ZMAT4: variants seen among roughly 807,000 people sequenced by gnomAD.
ZMAT4 encodes zinc finger matrin-type protein 4.
Under a neutral mutation model 28.7 loss-of-function variants are expected in ZMAT4, and 17 were observed. The observed-to-expected ratio is 0.59, with a 90% confidence interval of 0.41 to 0.89. The LOEUF (loss-of-function observed/expected upper bound fraction) is 0.89. Ranked by LOEUF, ZMAT4 falls within the 40% of genes least tolerant of loss-of-function variation. The pLI, the probability that ZMAT4 is intolerant of heterozygous loss-of-function variation, is 0.00. For synonymous variants in ZMAT4, 117 were observed against 109.2 expected (o/e 1.07, Z -0.44); for missense variants, 240 against 283.8 (o/e 0.85, Z 1.11).
intron 1 of ZMAT4, among the ~76,000 whole-genome samples, chr8:40,884,123 C>G (rs1011460630): frequency 6.6e-5 from 10 of 152,318 alleles, no homozygotes; most frequent in African/African-American, 2.4e-4. Context: ...TGTCTCGAAG[C>G]TTGTGATCCA....
chr8:40,837,154 C>A (rs1390782444), intron 1 of ZMAT4, among the ~76,000 whole-genome samples: 2 of 152,212 alleles, frequency 1.3e-5, no homozygotes, highest in East Asian at 1.9e-4. Flanking sequence ...GCAGTTACTG[C>A]ACCACATAAT....
chr8:40,603,870 T>A (rs541832962), intron 5 of ZMAT4, among the ~76,000 whole-genome samples: 1 of 152,350 alleles, frequency 6.6e-6, no homozygotes, highest in East Asian at 1.9e-4. Flanking sequence ...GATCTCGTGA[T>A]CTGCCCACCT....
intron 6 of ZMAT4, among the ~76,000 whole-genome samples, chr8:40,543,404 CAA>C (rs1355169795): frequency 2.0e-5 from 3 of 152,186 alleles, no homozygotes; most frequent in Non-Finnish European, 4.4e-5. Context: ...CTGCTGTAGT[CAA>C]ACTCAATGTT....
intron 5 of ZMAT4, among the ~76,000 whole-genome samples, chr8:40,632,061 C>T (rs1806604863): frequency 6.6e-6 from 1 of 152,138 alleles, no homozygotes; most frequent in Non-Finnish European, 1.5e-5. Context: ...CCTTTCCTGC[C>T]TGGTCCAACT....
chr8:40,580,010 CTT>C lies in ZMAT4; in HGVS notation c.674+1153_674+1154del, dbSNP rs60027647. Among the ~76,000 whole-genome samples, 387 of 118,716 alleles carry C rather than the reference CTT, an allele frequency of 3.3e-3. 3 individuals carry two copies. Among genetic ancestry groups the C allele is most frequent in the African/African-American group, 0.011 (349 of 31,126 alleles). The allele number at this position is 118,716 out of a possible 152,430, so 77.9% of individuals were successfully genotyped here. Reference sequence around the variant, plus strand: ...AAGAGGAAGGACTCAATGTATTCATCTTTTTTTTTTTTTTTTTTTTGAGACGA... The same window carrying C: ...AAGAGGAAGGACTCAATGTATTCATCTTTTTTTTTTTTTTTTTTGAGACGA... On this transcript the variant is annotated intron_variant, in intron 6 of 6. Transcript: ENST00000297737.
At chr8:40,764,994 G>A (rs143161024) in intron 3 of ZMAT4, among the ~76,000 whole-genome samples, 1,913 of 144,950 alleles carry the variant, frequency 0.013, 19 homozygotes, top group Admixed American at 0.02. Context: ...ACCATGCCTG[G>A]CTAATTAAAA....
At chr8:40,782,452 G>A (rs1169605611) in intron 2 of ZMAT4, among the ~76,000 whole-genome samples, 1 of 152,106 alleles carries the variant, frequency 6.6e-6, no homozygotes, top group Non-Finnish European at 1.5e-5. Context: ...ACAACACACA[G>A]AATGGGAGAA....
At chr8:40,650,830 T>C (rs990023363) in intron 5 of ZMAT4, among the ~76,000 whole-genome samples, 9 of 151,514 alleles carry the variant, frequency 5.9e-5, no homozygotes, top group Non-Finnish European at 8.8e-5. Flanking sequence ...AAAAACCACA[T>C]GATTATCTCA....
At chr8:40,648,089 G>A (rs1233147150) in intron 5 of ZMAT4, among the ~76,000 whole-genome samples, 2 of 152,262 alleles carry the variant, frequency 1.3e-5, no homozygotes, top group East Asian at 1.9e-4. Flanking sequence ...ACTTTGACGA[G>A]CTGAGAGAAG....
intron 1 of ZMAT4, among the ~76,000 whole-genome samples, chr8:40,866,134 T>A (rs1471790514): frequency 6.6e-6 from 1 of 152,194 alleles, no homozygotes; most frequent in Non-Finnish European, 1.5e-5. Flanking sequence ...AGAAAGAAAG[T>A]GATTCCTTAA....
intron 1 of ZMAT4, among the ~76,000 whole-genome samples, chr8:40,879,673 G>A (rs1229967751): frequency 6.6e-6 from 1 of 152,118 alleles, no homozygotes; most frequent in African/African-American, 2.4e-5. Context: ...AAGACTCACT[G>A]TAAAATATTT....
chr8:40,544,118 C>A (rs2589904), intron 6 of ZMAT4, among the ~76,000 whole-genome samples: 1 of 152,254 alleles, frequency 6.6e-6, no homozygotes, highest in South Asian at 2.1e-4. Flanking sequence ...CACAACTCTG[C>A]CCTGGCCAGC....
At chr8:40,872,959 A>G (rs1817915419) in intron 1 of ZMAT4, among the ~76,000 whole-genome samples, 1 of 152,170 alleles carries the variant, frequency 6.6e-6, no homozygotes, top group South Asian at 2.1e-4. Flanking sequence ...GTGGACCAGC[A>G]CAGCAGAAAC....
At chr8:40,679,673 G>T (rs1215938458) in intron 4 of ZMAT4, among the ~76,000 whole-genome samples, 3 of 152,170 alleles carry the variant, frequency 2.0e-5, no homozygotes, top group African/African-American at 7.2e-5. Context: ...GACAAATGGA[G>T]ATTATGAGAA....
In ZMAT4 at chr8:40,531,393, T is replaced by TA. The variant is rs34653580; in HGVS notation, c.*829dup. The TA allele has an allele frequency of 0.2, 30,455 of 151,312 alleles. 3,561 individuals carry two copies. The highest frequency in any genetic ancestry group is 0.26 in the Non-Finnish European group (17,566 of 67,752). 9.4% of individuals were successfully genotyped at this position (151,312 alleles called of 1,614,324 possible). Reference sequence around the variant, plus strand: ...AGCCCACAGTTCAGGCCAAACATCATAAAAAAAAATACTTGTTTATTTCCA... The same window carrying TA: ...AGCCCACAGTTCAGGCCAAACATCATAAAAAAAAAATACTTGTTTATTTCCA... On this transcript the variant is annotated 3_prime_UTR_variant, in exon 7 of 7. Coordinates refer to ENST00000297737, the MANE Select transcript of ZMAT4 (RefSeq NM_024645.3).
intron 5 of ZMAT4, among the ~76,000 whole-genome samples, chr8:40,663,042 C>A (rs1008798110): frequency 6.6e-6 from 1 of 152,158 alleles, no homozygotes; most frequent in African/African-American, 2.4e-5. Flanking sequence ...TCTCTCTACT[C>A]AAAAACACAT....
At chr8:40,881,427 G>C (rs1253772798) in intron 1 of ZMAT4, among the ~76,000 whole-genome samples, 1 of 96,116 alleles carries the variant, frequency 1.0e-5, no homozygotes, top group African/African-American at 4.4e-5. Flanking sequence ...AGAAAAAGAA[G>C]AAAGAGAGAA....
chr8:40,799,105 T>G (rs1051938233), intron 2 of ZMAT4, among the ~76,000 whole-genome samples: 6 of 136,268 alleles, frequency 4.4e-5, no homozygotes, highest in Admixed American at 1.4e-4. Flanking sequence ...ATGGATGGAT[T>G]AATAGAGAGA....
At chr8:40,661,025 T>C (rs995806069) in intron 5 of ZMAT4, among the ~76,000 whole-genome samples, 1 of 152,172 alleles carries the variant, frequency 6.6e-6, no homozygotes, top group Non-Finnish European at 1.5e-5. Context: ...TGTTAAACAG[T>C]AGGTGCTTAT....
Sources: gnomAD v4.1 joint callset for allele counts (sites outside exome capture counted in the v4.1 genomes callset) on GRCh38, gnomAD v4.1.1 for gene constraint, MANE v1.5 for transcripts, NCBI Gene and HGNC (gene_info 2026-07-23, HGNC 2026-07-21) for gene names.